EFCAB13: variants seen among roughly 807,000 people sequenced by gnomAD.
EFCAB13 encodes EF-hand calcium binding domain 13.
A neutral mutation model predicts 110.2 loss-of-function variants in EFCAB13; 91 were observed. The ratio of observed to expected loss-of-function variants is 0.83; its 90% CI spans 0.70 to 0.98. The LOEUF (loss-of-function observed/expected upper bound fraction) is 0.98, where lower values mean the gene tolerates loss of function less well. EFCAB13 is among the 50% of genes least tolerant of loss of function. EFCAB13 has a pLI of 0.00. For synonymous variants in EFCAB13, 323 were observed against 369.9 expected (o/e 0.87, Z 1.45); for missense variants, 968 against 1,119.4 (o/e 0.86, Z 1.93).
At chr17:47,392,744 T>C (rs1317000066) in intron 15 of EFCAB13, among the ~76,000 whole-genome samples, 1 of 152,140 alleles carries the variant, frequency 6.6e-6, no homozygotes, top group East Asian at 1.9e-4. Context: ...AATTTCCAGG[T>C]GTGAGAACTA....
chr17:47,428,895 A>G (rs1905047822), intron 23 of EFCAB13, among the ~76,000 whole-genome samples: 2 of 152,110 alleles, frequency 1.3e-5, no homozygotes, highest in Admixed American at 6.5e-5. Context: ...AAACACAATA[A>G]TATAGTTAAT....
chr17:47,436,017 C>T (rs184850181), intron 24 of EFCAB13, among the ~76,000 whole-genome samples: 1 of 152,064 alleles, frequency 6.6e-6, no homozygotes, highest in African/African-American at 2.4e-5. Flanking sequence ...TTGTCAAATG[C>T]TTTTTCTGCA....
intron 22 of EFCAB13, among the ~76,000 whole-genome samples, chr17:47,413,875 T>C (rs1282424548): frequency 6.6e-6 from 1 of 152,180 alleles, no homozygotes; most frequent in Admixed American, 6.5e-5. Context: ...GATATCTAAG[T>C]TCCTAACCTT....
At chr17:47,388,270 T>G (rs2065687533) in intron 14 of EFCAB13, among the ~76,000 whole-genome samples, 1 of 152,194 alleles carries the variant, frequency 6.6e-6, no homozygotes, top group South Asian at 2.1e-4. Flanking sequence ...TGGTCTCACT[T>G]TTTCCACTGT....
At position 47,335,333 on chromosome 17, in the gene EFCAB13, T is replaced by C. The variant is rs762264927; in HGVS notation, c.168T>C (p.Ser56=). 2.5e-6 allele frequency: 4 copies of C among 1,599,234 alleles called. No homozygotes were observed. In the South Asian group the frequency reaches 4.6e-5, roughly 18 times the overall value. Residue 56 remains serine, a synonymous_variant, in exon 5 of 25, where the codon AGT becomes AGC. Transcript: ENST00000331493. ...AGGAAATTTCACCGGAAATTAGGAGTTTGAGCCCAGAATATAAAAAAATGT... is the reference window on the plus strand; with the variant it reads ...AGGAAATTTCACCGGAAATTAGGAGCTTGAGCCCAGAATATAAAAAAATGT... ...IEKEISPEIR[S]LSPEYKKIFE...
intron 16 of EFCAB13, among the ~76,000 whole-genome samples, chr17:47,394,532 G>A (rs1171428620): frequency 2.0e-5 from 3 of 152,072 alleles, no homozygotes; most frequent in African/African-American, 7.2e-5. Context: ...TATGTACTAG[G>A]CTTTATGTTA....
intron 20 of EFCAB13, chr17:47,409,351 G>A (rs764658157): frequency 2.0e-5 from 6 of 293,102 alleles, no homozygotes; most frequent in South Asian, 9.0e-5. Context: ...TGAATAGACC[G>A]GCTGGGGATT....
chr17:47,342,141 A>T (rs1487094111), intron 6 of EFCAB13, 109 bp downstream of exon 6: 3 of 623,226 alleles, frequency 4.8e-6, no homozygotes, highest in Middle Eastern at 3.1e-4. Flanking sequence ...AGTCTTAAAT[A>T]TCACTACCTG....
At chr17:47,398,256 C>T (rs1394233270) in intron 17 of EFCAB13, among the ~76,000 whole-genome samples, 2 of 145,302 alleles carry the variant, frequency 1.4e-5, no homozygotes, top group African/African-American at 2.5e-5. Flanking sequence ...CAGCCCCCCG[C>T]CCGGCCAGCC....
intron 17 of EFCAB13, among the ~76,000 whole-genome samples, chr17:47,401,759 C>T (rs977453910): frequency 6.6e-6 from 1 of 151,528 alleles, no homozygotes; most frequent in African/African-American, 2.4e-5. Context: ...ATTCTGCTGC[C>T]TCAGCCTCCC....
chr17:47,437,157 T>C (rs1339710825), intron 24 of EFCAB13, among the ~76,000 whole-genome samples: 1 of 152,170 alleles, frequency 6.6e-6, no homozygotes, highest in Non-Finnish European at 1.5e-5. Context: ...CTTAAATTTA[T>C]TGAGGCTCGC....
At chr17:47,424,817 C>T (rs1020032544) in intron 23 of EFCAB13, among the ~76,000 whole-genome samples, 1 of 150,368 alleles carries the variant, frequency 6.7e-6, no homozygotes, top group African/African-American at 2.5e-5. Flanking sequence ...TACCACCAAT[C>T]CTGAGCAAAC....
chr17:47,385,760 G>T (rs117790003), intron 14 of EFCAB13, among the ~76,000 whole-genome samples: 3,233 of 152,174 alleles, frequency 0.021, 105 homozygotes, highest in East Asian at 0.18. Context: ...TTTTGTGCTG[G>T]TTTGTCCTCA....
intron 5 of EFCAB13, among the ~76,000 whole-genome samples, chr17:47,341,181 G>A (rs529523591): frequency 6.6e-6 from 1 of 152,148 alleles, no homozygotes; most frequent in African/African-American, 2.4e-5. Flanking sequence ...AGGTATAGAA[G>A]GAGAACTTAT....
intron 14 of EFCAB13, among the ~76,000 whole-genome samples, chr17:47,384,562 G>C (rs2065665920): frequency 6.6e-6 from 1 of 151,986 alleles, no homozygotes; most frequent in African/African-American, 2.4e-5. Flanking sequence ...CTCAGCGTTT[G>C]CTTGTATGTA....
At chr17:47,355,087 A>T (rs112950536) in intron 9 of EFCAB13, among the ~76,000 whole-genome samples, 1,957 of 152,286 alleles carry the variant, frequency 0.013, 38 homozygotes, top group East Asian at 0.066. Context: ...GTAATGGCAA[A>T]TTCTCTCAGC....
intron 9 of EFCAB13, among the ~76,000 whole-genome samples, chr17:47,358,516 G>T (rs2065493269): frequency 6.6e-6 from 1 of 151,672 alleles, no homozygotes; most frequent in African/African-American, 2.4e-5. Flanking sequence ...TAAAAAACTG[G>T]GTTGTTCATC....
chr17:47,432,276 T>C (rs1254936514), intron 24 of EFCAB13, among the ~76,000 whole-genome samples: 4 of 151,994 alleles, frequency 2.6e-5, no homozygotes, highest in African/African-American at 9.7e-5. Context: ...CGGGCGCCTG[T>C]AGTCCCAGCT....
At chr17:47,391,648 T>C (rs1161435771) in intron 15 of EFCAB13, 68 bp downstream of exon 15, 11 of 1,415,194 alleles carry the variant, frequency 7.8e-6, no homozygotes, top group Non-Finnish European at 9.4e-6. Context: ...GTTATTTTTT[T>C]CTTAGAAAAA....
Sources: allele counts gnomAD v4.1 joint callset (sites outside exome capture counted in the v4.1 genomes callset), GRCh38; gene constraint gnomAD v4.1.1; transcripts MANE v1.5; gene names NCBI Gene and HGNC (gene_info 2026-07-23, HGNC 2026-07-21).